The following SPNS2 variants were observed in gnomAD, a reference collection of about 807,000 sequenced individuals.
SPNS2 encodes sphingosine-1-phosphate transporter SPNS2.
A neutral mutation model predicts 57.6 loss-of-function variants in SPNS2; 37 were observed. That is an observed-to-expected ratio of 0.64 (90% CI 0.49 to 0.85). The LOEUF (loss-of-function observed/expected upper bound fraction) is 0.85. SPNS2 is among the 40% of genes least tolerant of loss of function. SPNS2 has a pLI of 0.00. For synonymous variants in SPNS2, 440 were observed against 346.9 expected (o/e 1.27, Z -2.98); for missense variants, 831 against 779.1 (o/e 1.07, Z -0.79).
chr17:4,519,158 A>T (rs1030073382), intron 2 of SPNS2, among the ~76,000 whole-genome samples: 3 of 152,090 alleles, frequency 2.0e-5, no homozygotes, highest in African/African-American at 7.2e-5. Context: ...TCTTCTCCAA[A>T]TAACAGATCA....
rs563827510 is a variant in SPNS2 at position 4,526,236 on chromosome 17, A to C, written c.573+1043A>C. 2.6e-5 allele frequency among the ~76,000 whole-genome samples: 4 copies of C among 152,332 alleles called. No individual in the cohort carries two copies. The East Asian group carries it at 5.8e-4, about 22-fold the overall frequency. Reference sequence around the variant, plus strand: ...GCTGGGCAGGCAGGACTGTGAGATCAGGCCTTTTGGTGAAGGTAGCATGGG... The same window carrying C: ...GCTGGGCAGGCAGGACTGTGAGATCCGGCCTTTTGGTGAAGGTAGCATGGG... On this transcript the variant is annotated intron_variant, in intron 3 of 12. Coordinates refer to ENST00000329078, the MANE Select transcript of SPNS2 (RefSeq NM_001124758.3).
intron 1 of SPNS2, among the ~76,000 whole-genome samples, chr17:4,507,811 A>G (rs868532332): frequency 1.8e-4 from 28 of 152,224 alleles, no homozygotes; most frequent in Admixed American, 3.3e-4. Context: ...CTGCCTAGGA[A>G]GGAAGAGACC....
chr17:4,505,701 G>C (rs1224633175), intron 1 of SPNS2, among the ~76,000 whole-genome samples: 1 of 152,220 alleles, frequency 6.6e-6, no homozygotes, highest in African/African-American at 2.4e-5. Context: ...TGGTGGCTGG[G>C]AGGTTGGTGA....
chr17:4,532,029 C>G (rs1224133876), intron 5 of SPNS2, among the ~76,000 whole-genome samples: 2 of 152,288 alleles, frequency 1.3e-5, no homozygotes, highest in East Asian at 3.9e-4. Flanking sequence ...ACGTGGGGAA[C>G]CTGCTCCAGG....
In SPNS2 at chr17:4,512,495, G is replaced by A. The variant is rs1904856823; in HGVS notation, c.371-752G>A. On this transcript the variant is annotated intron_variant, in intron 1 of 12. Transcript: ENST00000329078. This position sits in a 1 kb window ranked among gnomAD's most constrained non-coding sequence, Gnocchi z 5.2. ...CAAAGCCCTAAAGTAGTTGGGCTTG[G>A]AAGCGGGTGTGGCCTCAAGAAATCC... Among the ~76,000 whole-genome samples the A allele has an allele frequency of 6.6e-6, 1 of 152,146 alleles. No individual in the cohort carries two copies. Among genetic ancestry groups the A allele is most frequent in the South Asian group, 2.1e-4 (1 of 4,810 alleles).
rs1168991683 is a variant in SPNS2 at position 4,512,675 on chromosome 17, CGT to C, written c.371-570_371-569del. Among the ~76,000 whole-genome samples the C allele has an allele frequency of 4.0e-5, 6 of 151,104 alleles. No individual in the cohort carries two copies. The highest frequency in any genetic ancestry group is 7.4e-5 in the Non-Finnish European group (5 of 67,744). ...GCGCGCACGGGTATGTGTGTGCGCG[CGT>C]GGGTGTGTATGCATGTGTGCAGGTG... is the stretch of plus-strand genomic sequence containing the variant. On this transcript the variant is annotated intron_variant, in intron 1 of 12. Transcript: ENST00000329078. This position sits in a 1 kb window ranked among gnomAD's most constrained non-coding sequence, Gnocchi z 5.2.
chr17:4,531,242 T>C (rs1659623684), intron 5 of SPNS2, 123 bp downstream of exon 5: 1 of 854,746 alleles, frequency 1.2e-6, no homozygotes, highest in African/African-American at 1.7e-5. Context: ...CTGCGTGGAC[T>C]CTGAAATCCC....
In SPNS2 at chr17:4,512,711, CACGT is replaced by C. The variant is rs1472817792; in HGVS notation, c.371-535_371-532del. ...ATGCATGTGTGCAGGTGTGTGCACACACGTGCGTGCGTGTGCAGGTGTGTGTGTG... is the reference window on the plus strand; with the variant it reads ...ATGCATGTGTGCAGGTGTGTGCACACGCGTGCGTGTGCAGGTGTGTGTGTG... On this transcript the variant is annotated intron_variant, in intron 1 of 12. Transcript: ENST00000329078. This position sits in a 1 kb window ranked among gnomAD's most constrained non-coding sequence, Gnocchi z 5.2. Among the ~76,000 whole-genome samples, 15 of 149,270 alleles carry C rather than the reference CACGT, an allele frequency of 1.0e-4. No homozygotes were observed. The highest frequency in any genetic ancestry group is 3.1e-4 in the African/African-American group (12 of 38,978).
At chr17:4,509,087 C>A (rs1904760241) in intron 1 of SPNS2, among the ~76,000 whole-genome samples, 1 of 152,290 alleles carries the variant, frequency 6.6e-6, no homozygotes, top group Admixed American at 6.5e-5. Flanking sequence ...AAAGGGGTAT[C>A]CTGGCTGACT....
chr17:4,528,436 G>A (rs1905325424), intron 3 of SPNS2, among the ~76,000 whole-genome samples: 1 of 152,052 alleles, frequency 6.6e-6, no homozygotes, highest in Non-Finnish European at 1.5e-5. Context: ...GATGCGTGGA[G>A]GGTTTCCTTT....
chr17:4,520,295 A>C (rs1305783903), intron 2 of SPNS2, among the ~76,000 whole-genome samples: 1 of 152,122 alleles, frequency 6.6e-6, no homozygotes, highest in Non-Finnish European at 1.5e-5. Flanking sequence ...ACTTCTGCCC[A>C]TCTAAGTGAG....
chr17:4,518,163 G>A (rs555576939), intron 2 of SPNS2, among the ~76,000 whole-genome samples: 2 of 152,212 alleles, frequency 1.3e-5, no homozygotes, highest in Non-Finnish European at 2.9e-5. Context: ...CCAAGATAAG[G>A]CATGTAGGTT....
rs1410635594 is a variant in SPNS2, at chr17:4,537,854, C to T, written c.*406C>T. On this transcript the variant is annotated 3_prime_UTR_variant, in exon 13 of 13. Coordinates refer to ENST00000329078, the MANE Select transcript of SPNS2 (RefSeq NM_001124758.3). ...CCCACACAACTTGCTGGGCAAAGCA[C>T]GATCTGCAGCTTTGAAGACTCAACA... The T allele has an allele frequency of 1.8e-5, 8 of 453,456 alleles. No homozygotes were observed. The highest frequency in any genetic ancestry group is 2.7e-5 in the Non-Finnish European group (6 of 224,524). The allele number at this position is 453,456 out of a possible 1,614,324, so 28.1% of individuals were successfully genotyped here.
chr17:4,536,553 G>T, intron 11 of SPNS2, 127 bp downstream of exon 11: 1 of 1,203,502 alleles, frequency 8.3e-7, no homozygotes, highest in Non-Finnish European at 1.1e-6. Context: ...TGCACCCACT[G>T]GTTGCTGGGG....
At chr17:4,514,042 C>T (rs1416514209) in intron 2 of SPNS2, among the ~76,000 whole-genome samples, 1 of 152,242 alleles carries the variant, frequency 6.6e-6, no homozygotes, top group Non-Finnish European at 1.5e-5. Context: ...CCCTGCCTTC[C>T]CCATGACATG....
At chr17:4,514,450 C>G (rs954677554) in intron 2 of SPNS2, among the ~76,000 whole-genome samples, 1 of 152,194 alleles carries the variant, frequency 6.6e-6, no homozygotes, top group Non-Finnish European at 1.5e-5. Flanking sequence ...CAATCCCTCC[C>G]GAGCTCACAG....
At chr17:4,528,430 C>G (rs1364919302) in intron 3 of SPNS2, among the ~76,000 whole-genome samples, 1 of 152,060 alleles carries the variant, frequency 6.6e-6, no homozygotes, top group African/African-American at 2.4e-5. Context: ...GGATAAGATG[C>G]GTGGAGGGTT....
Position 4,511,621 on chromosome 17 carries a change from G to A in SPNS2, c.371-1626G>A, listed in dbSNP as rs1162482856. 1.3e-5 allele frequency among the ~76,000 whole-genome samples: 2 copies of A among 152,208 alleles called. No homozygotes were observed. The highest frequency in any genetic ancestry group is 2.4e-5 in the African/African-American group (1 of 41,446). On this transcript the variant is annotated intron_variant, in intron 1 of 12. Coordinates refer to ENST00000329078, the MANE Select transcript of SPNS2 (RefSeq NM_001124758.3). The surrounding 1 kb of genome is among the most constrained non-coding windows in gnomAD (Gnocchi z 4.6). ...GCTGGCTCTGCCATCCACAGGCCTA[G>A]GATTGGCCCCGGCTTCTACCTTCAA... is the stretch of plus-strand genomic sequence containing the variant.
chr17:4,534,489 G>C (rs1016822124), intron 9 of SPNS2: 3 of 156,700 alleles, frequency 1.9e-5, no homozygotes, highest in Non-Finnish European at 4.2e-5. Context: ...GGGGACAGGA[G>C]AGAGTGTCTG....
Sources: allele counts gnomAD v4.1 joint callset (sites outside exome capture counted in the v4.1 genomes callset), GRCh38; gene constraint gnomAD v4.1.1; non-coding constraint Gnocchi (gnomAD v3.1); transcripts MANE v1.5; gene names NCBI Gene and HGNC (gene_info 2026-07-23, HGNC 2026-07-21).